The following SSBP4 variants were observed in gnomAD, a reference collection of about 807,000 sequenced individuals.
SSBP4 encodes the protein single stranded DNA binding protein 4.
A neutral mutation model predicts 64.6 loss-of-function variants in SSBP4; 33 were observed. That is an observed-to-expected ratio of 0.51 (90% CI 0.39 to 0.68). The LOEUF is 0.68. Among genes scored for constraint, SSBP4 ranks in the 30% least tolerant of loss-of-function variants. The pLI, the probability that SSBP4 is intolerant of heterozygous loss-of-function variation, is 0.00. For missense variants in SSBP4, 583 were observed against 566.8 expected, an observed-to-expected ratio of 1.03 and a Z score of -0.29; for synonymous variants, 243 against 224.0, an observed-to-expected ratio of 1.08 and a Z score of -0.76.
chr19:18,419,078 C>T, upstream of SSBP4: 3 of 985,562 alleles, frequency 3.0e-6, no homozygotes, highest in Non-Finnish European at 3.6e-6. Context: ...CTGTGTGGAG[C>T]GCTATGTTGA....
intron 1 of SSBP4, among the ~76,000 whole-genome samples, chr19:18,422,506 G>T (rs1972533548): frequency 6.6e-6 from 1 of 152,230 alleles, no homozygotes; most frequent in Admixed American, 6.5e-5. Context: ...AGAAAGCCTG[G>T]AAAACGCCAG....
chr19:18,416,215 A>G (rs966050988), upstream of SSBP4, among the ~76,000 whole-genome samples: 4 of 152,030 alleles, frequency 2.6e-5, no homozygotes, highest in Admixed American at 6.6e-5. Context: ...GGGTTTCACC[A>G]TGTTGTTTAG....
the SSBP4 span, among the ~76,000 whole-genome samples, chr19:18,413,654 G>A: frequency 6.6e-6 from 1 of 152,234 alleles, no homozygotes; most frequent in East Asian, 1.9e-4. Context: ...CCAGGAGCAG[G>A]GGAGGTCGTG....
chr19:18,433,922 C>T, intron 17 of SSBP4, 105 bp downstream of exon 17: 1 of 1,251,274 alleles, frequency 8.0e-7, no homozygotes, highest in East Asian at 3.3e-5. Context: ...ACCGTGACCG[C>T]GGCGGGCCAG....
At position 18,433,051 on chromosome 19, in the gene SSBP4, G is replaced by C. The variant is rs749733408; in HGVS notation, c.912+8G>C. ...GGCGCCGGCAGGGCTAATGTGAGTG[G>C]GGGCTTGCAGGGGTGCTTCTCGAGG... On this transcript the variant is annotated splice_region_variant and intron_variant, in intron 14 of 17. Coordinates refer to ENST00000270061, the MANE Select transcript of SSBP4 (RefSeq NM_032627.5). The C allele has an allele frequency of 6.2e-7, 1 of 1,613,990 alleles. No homozygotes were observed. Among genetic ancestry groups the C allele is most frequent in the Non-Finnish European group, 8.5e-7 (1 of 1,180,008 alleles).
upstream of SSBP4, chr19:18,419,348 G>A (rs1600275676): frequency 9.8e-7 from 1 of 1,018,910 alleles, no homozygotes; most frequent in Non-Finnish European, 1.2e-6. Context: ...CCCGCGGGCG[G>A]CGTAGAGGCA....
the SSBP4 span, among the ~76,000 whole-genome samples, chr19:18,413,718 A>G: frequency 1.6e-4 from 25 of 152,042 alleles, no homozygotes; most frequent in African/African-American, 5.8e-4. Flanking sequence ...ATGTCCTTAG[A>G]CGGGGCATTC....
At chr19:18,433,402 A>C (rs1973652028) in intron 15 of SSBP4, 183 bp from the exon 16 acceptor site, 2 of 1,282,168 alleles carry the variant, frequency 1.6e-6, no homozygotes, top group South Asian at 1.3e-5. Flanking sequence ...CAGAGGATGC[A>C]CTGACCGCCC....
chr19:18,419,260 C>T, upstream of SSBP4: 1 of 992,342 alleles, frequency 1.0e-6, no homozygotes, highest in Non-Finnish European at 1.2e-6. Context: ...CCCCCACCCC[C>T]CGCGGCGGGC....
At chr19:18,406,889 A>G in the SSBP4 span, among the ~76,000 whole-genome samples, 4 of 152,102 alleles carry the variant, frequency 2.6e-5, no homozygotes, top group African/African-American at 9.7e-5. Flanking sequence ...GTGGACTGAC[A>G]TGGACATTGT....
upstream of SSBP4, among the ~76,000 whole-genome samples, chr19:18,415,785 C>T (rs550377219): frequency 1.2e-3 from 177 of 152,260 alleles, no homozygotes; most frequent in African/African-American, 4.1e-3. Context: ...AGGGTACAGT[C>T]GGCCCCTTCT....
At chr19:18,407,303 G>T in the SSBP4 span, among the ~76,000 whole-genome samples, 1 of 151,946 alleles carries the variant, frequency 6.6e-6, no homozygotes, top group Non-Finnish European at 1.5e-5. Context: ...CTCCCAGAGT[G>T]CTGGGATTAC....
chr19:18,428,056 T>TGGGGGGGGGGGGGGGGTGGGGGGGG, intron 4 of SSBP4, 74 bp downstream of exon 4: 1 of 444,262 alleles, frequency 2.3e-6, no homozygotes, highest in Non-Finnish European at 3.7e-6. Context: ...GGAGGTGGGG[T>TGGGGGGGGGGGGGGGGTGGGGGGGG]GGGGGGCTGC....
In SSBP4 at chr19:18,426,848, G is replaced by A. The variant is rs1445224333; in HGVS notation, c.60-503G>A. 6.6e-6 allele frequency among the ~76,000 whole-genome samples: 1 copy of A among 152,190 alleles called. No individual in the cohort carries two copies. Among genetic ancestry groups the A allele is most frequent in the African/African-American group, 2.4e-5 (1 of 41,450 alleles). On this transcript the variant is annotated intron_variant, in intron 1 of 17. Transcript: ENST00000270061. This position sits in a 1 kb window ranked among gnomAD's most constrained non-coding sequence, Gnocchi z 4.5. ...GGGGACAGTCTGCAGAAAGGGTTGA[G>A]GCCACCATGGTGGATGGGCATCTCT...
Position 18,431,431 on chromosome 19 carries a change from G to A in SSBP4, c.435+13G>A. ...GCCTCACGGTCAGGTAAGGAGCTGT[G>A]GTGCCTGCCCCTCACACACACACAT... On this transcript the variant is annotated intron_variant, in intron 6 of 17. Transcript: ENST00000270061. 6.7e-7 allele frequency: 1 copy of A among 1,497,902 alleles called. No homozygotes were observed. Among genetic ancestry groups the A allele is most frequent in the Non-Finnish European group, 9.1e-7 (1 of 1,104,970 alleles). The allele number at this position is 1,497,902 out of a possible 1,614,324, so 92.8% of individuals were successfully genotyped here. A position where few individuals can be genotyped will look rare whatever the true frequency, so the allele number is the denominator to read the frequency against.
At chr19:18,417,035 T>C (rs1972143328), upstream of SSBP4, among the ~76,000 whole-genome samples, 1 of 150,282 alleles carries the variant, frequency 6.7e-6, no homozygotes, top group South Asian at 2.1e-4. This position sits in a 1 kb window ranked among gnomAD's most constrained non-coding sequence, Gnocchi z 5.4. Context: ...CCATCACAGC[T>C]CTCTGGGCCG....
At chr19:18,417,592 C>T (rs1438840264), upstream of SSBP4, among the ~76,000 whole-genome samples, 3 of 152,174 alleles carry the variant, frequency 2.0e-5, no homozygotes, top group Non-Finnish European at 4.4e-5. The surrounding 1 kb of genome is among the most constrained non-coding windows in gnomAD (Gnocchi z 5.4). Flanking sequence ...AAGCCCACGC[C>T]CCCCGTGGTC....
chr19:18,419,164 G>A (rs1972246061), upstream of SSBP4: 29 of 985,460 alleles, frequency 2.9e-5, no homozygotes, highest in Non-Finnish European at 3.4e-5. Flanking sequence ...GTGAACGTGT[G>A]TGTGCACGCG....
the SSBP4 span, among the ~76,000 whole-genome samples, chr19:18,411,589 A>G: frequency 6.6e-6 from 1 of 152,190 alleles, no homozygotes; most frequent in Admixed American, 6.5e-5. Flanking sequence ...CTGGAGCTGA[A>G]GCCTGAAGGA....
Sources: allele counts gnomAD v4.1 joint callset (sites outside exome capture counted in the v4.1 genomes callset), GRCh38; gene constraint gnomAD v4.1.1; non-coding constraint Gnocchi (gnomAD v3.1); transcripts MANE v1.5; gene names NCBI Gene and HGNC (gene_info 2026-07-23, HGNC 2026-07-21).